Variants in CNTN5 observed in about 807,000 individuals in gnomAD.
The protein encoded by CNTN5 is contactin 5, also known as contactin-5.
Under a neutral mutation model 129.1 loss-of-function variants are expected in CNTN5, and 77 were observed. The observed-to-expected ratio is 0.60, with a 90% CI of 0.50 to 0.72. CNTN5 has a LOEUF of 0.72. Ranked by LOEUF, CNTN5 falls within the 30% of genes least tolerant of loss-of-function variation. The pLI, the probability that CNTN5 is intolerant of heterozygous loss-of-function variation, is 0.00. For synonymous variants in CNTN5, 509 were observed against 465.6 expected (o/e 1.09, Z -1.20); for missense variants, 1,478 against 1,328.8 (o/e 1.11, Z -1.75).
At chr11:100,156,789 G>A (rs544943169) in intron 13 of CNTN5, among the ~76,000 whole-genome samples, 29 of 152,152 alleles carry the variant, frequency 1.9e-4, no homozygotes, top group African/African-American at 6.7e-4. Flanking sequence ...TTGCCTAGAG[G>A]TATTTATAGA....
chr11:99,672,805 C>A (rs1267699170), intron 3 of CNTN5, among the ~76,000 whole-genome samples: 1 of 151,816 alleles, frequency 6.6e-6, no homozygotes, highest in African/African-American at 2.4e-5. Flanking sequence ...TTTCTTTAGA[C>A]CTGTTTTCTT....
At chr11:99,116,331 A>T (rs988769159) in intron 1 of CNTN5, among the ~76,000 whole-genome samples, 11 of 152,212 alleles carry the variant, frequency 7.2e-5, no homozygotes, top group Non-Finnish European at 1.6e-4. Context: ...TAGTAGATTA[A>T]CAGTGGGAGA....
At chr11:99,647,972 C>CA (rs1367832352) in intron 3 of CNTN5, among the ~76,000 whole-genome samples, 1 of 151,768 alleles carries the variant, frequency 6.6e-6, no homozygotes, top group Non-Finnish European at 1.5e-5. Flanking sequence ...ACATGGTCTA[C>CA]ACAGATAATT....
At chr11:99,628,607 T>C (rs1395087489) in intron 3 of CNTN5, among the ~76,000 whole-genome samples, 3 of 116,506 alleles carry the variant, frequency 2.6e-5, no homozygotes, top group Admixed American at 1.0e-4. Context: ...GAAAGCTAAA[T>C]AATGACACAC....
chr11:99,425,322 A>C (rs1943070354), intron 2 of CNTN5, among the ~76,000 whole-genome samples: 2 of 152,080 alleles, frequency 1.3e-5, no homozygotes, highest in African/African-American at 2.4e-5. Flanking sequence ...TTTGTTTTGG[A>C]GGTAGGGTTT....
At chr11:99,887,987 G>C (rs951823327) in intron 6 of CNTN5, among the ~76,000 whole-genome samples, 1 of 152,062 alleles carries the variant, frequency 6.6e-6, no homozygotes, top group Admixed American at 6.6e-5. Context: ...ATCCAGTCAA[G>C]TTGACACTCA....
chr11:99,159,554 G>A (rs1332115990), intron 1 of CNTN5, among the ~76,000 whole-genome samples: 2 of 152,160 alleles, frequency 1.3e-5, no homozygotes, highest in Non-Finnish European at 2.9e-5. Flanking sequence ...CCCGGGAGGT[G>A]GAGGTTGCAG....
chr11:99,737,174 C>A (rs1327005856), intron 3 of CNTN5, among the ~76,000 whole-genome samples: 1 of 151,912 alleles, frequency 6.6e-6, no homozygotes, highest in African/African-American at 2.4e-5. Context: ...CACACGCACA[C>A]ACAGTCTTTC....
chr11:99,673,414 C>T (rs1380783729), intron 3 of CNTN5, among the ~76,000 whole-genome samples: 1 of 152,132 alleles, frequency 6.6e-6, no homozygotes, highest in South Asian at 2.1e-4. Context: ...TGTAAAGCAT[C>T]AAGAACAGTG....
In CNTN5 at chr11:99,298,607, C is replaced by T. The variant is rs568990979; in HGVS notation, c.-209-26739C>T. Among the ~76,000 whole-genome samples the T allele has an allele frequency of 7.2e-5, 11 of 152,248 alleles. No homozygotes were observed. In the South Asian group the frequency reaches 1.7e-3, roughly 23 times the overall value. Reference sequence around the variant, plus strand: ...AGTTTGTTTTAACAGATGGAAGAATCTGATACCAAAGTTGTTATAATATAT... The same window carrying T: ...AGTTTGTTTTAACAGATGGAAGAATTTGATACCAAAGTTGTTATAATATAT... On this transcript the variant is annotated intron_variant, in intron 1 of 24. Coordinates refer to ENST00000524871, the MANE Select transcript of CNTN5 (RefSeq NM_014361.4).
intron 2 of CNTN5, among the ~76,000 whole-genome samples, chr11:99,454,112 A>G (rs932535634): frequency 6.6e-6 from 1 of 152,202 alleles, no homozygotes; most frequent in South Asian, 2.1e-4. Context: ...ATTTGCCCCA[A>G]AGAAATGTCT....
intron 3 of CNTN5, among the ~76,000 whole-genome samples, chr11:99,802,131 A>AT (rs1946133053): frequency 6.6e-6 from 1 of 152,214 alleles, no homozygotes; most frequent in South Asian, 2.1e-4. Context: ...ATTGAGTAGA[A>AT]TTTTTTGTCT....
At position 99,293,208 on chromosome 11, in the gene CNTN5, G is replaced by A. The variant is rs554734656; in HGVS notation, c.-209-32138G>A. ...TCATACGATTTTTATCCTTGATTCT[G>A]TTAATGTGATGTTTCACATTATCTC... On this transcript the variant is annotated intron_variant, in intron 1 of 24. Coordinates refer to ENST00000524871, the MANE Select transcript of CNTN5 (RefSeq NM_014361.4). Among the ~76,000 whole-genome samples, 9 of 152,174 alleles carry A rather than the reference G, an allele frequency of 5.9e-5. No individual in the cohort carries two copies. The East Asian group carries it at 1.7e-3, about 29-fold the overall frequency.
chr11:99,137,603 C>T (rs1004872712), intron 1 of CNTN5, among the ~76,000 whole-genome samples: 63 of 152,214 alleles, frequency 4.1e-4, no homozygotes, highest in African/African-American at 1.3e-3. Flanking sequence ...TAAAAATTAT[C>T]TAAAGGTATA....
rs193006427 is a variant in CNTN5, at chr11:100,177,023, T to C, written c.1581-14103T>C. On this transcript the variant is annotated intron_variant, in intron 13 of 24. Transcript: ENST00000524871. ...TTCAGCTCTTCTGCTGAAGAGTATG[T>C]TATCTTGTAGGCATGGGGAGCCATG... 7.7e-4 allele frequency among the ~76,000 whole-genome samples: 117 copies of C among 152,070 alleles called. No individual in the cohort carries two copies. In the Middle Eastern group the frequency reaches 0.02, roughly 27 times the overall value.
intron 2 of CNTN5, among the ~76,000 whole-genome samples, chr11:99,505,972 T>C (rs1946602322): frequency 6.6e-6 from 1 of 152,228 alleles, no homozygotes; most frequent in Non-Finnish European, 1.5e-5. Flanking sequence ...TTTTCACTTT[T>C]CAAAGTCATA....
intron 2 of CNTN5, among the ~76,000 whole-genome samples, chr11:99,506,708 G>T (rs1028763390): frequency 4.6e-5 from 7 of 152,092 alleles, no homozygotes; most frequent in Admixed American, 3.9e-4. Context: ...ATAACCAGTA[G>T]TTCTAAATAC....
intron 8 of CNTN5, among the ~76,000 whole-genome samples, chr11:99,960,987 G>A (rs1271465967): frequency 6.6e-6 from 1 of 152,168 alleles, no homozygotes; most frequent in South Asian, 2.1e-4. Context: ...CGGATCACCT[G>A]AGATCAGGAG....
intron 1 of CNTN5, among the ~76,000 whole-genome samples, chr11:99,063,796 AATT>A (rs1864986401): frequency 6.6e-6 from 1 of 152,072 alleles, no homozygotes; most frequent in Non-Finnish European, 1.5e-5. Context: ...AAGAAAAATA[AATT>A]TGCTGCTTAA....
Sources: gnomAD v4.1 joint callset for allele counts (sites outside exome capture counted in the v4.1 genomes callset) on GRCh38, gnomAD v4.1.1 for gene constraint, MANE v1.5 for transcripts, NCBI Gene and HGNC (gene_info 2026-07-23, HGNC 2026-07-21) for gene names.